SCAF1: variants seen among roughly 807,000 people sequenced by gnomAD.
SCAF1 encodes the protein splicing factor, arginine/serine-rich 19.
SCAF1 carries 28 observed loss-of-function variants against 91.2 expected under a neutral mutation model. That is an observed-to-expected ratio of 0.31 (90% CI 0.23 to 0.42). The LOEUF (loss-of-function observed/expected upper bound fraction) is 0.42, where lower values mean the gene tolerates loss of function less well. Among genes scored for constraint, SCAF1 ranks in the 10% least tolerant of loss-of-function variants. The pLI is 1.00. For synonymous variants in SCAF1, 1,036 were observed against 833.7 expected, an observed-to-expected ratio of 1.24 and a Z score of -4.18; for missense variants, 1,893 against 1,872.1, an observed-to-expected ratio of 1.01 and a Z score of -0.21.
intron 7 of SCAF1, 99 bp from the exon 8 acceptor site, chr19:49,654,250 C>T: frequency 9.7e-7 from 1 of 1,031,098 alleles, no homozygotes; most frequent in Admixed American, 2.1e-5. Context: ...GTTCTGGGGC[C>T]AAGGGCAGGA....
At chr19:49,643,018 G>A (rs771776721) in intron 1 of SCAF1, among the ~76,000 whole-genome samples, 5 of 152,190 alleles carry the variant, frequency 3.3e-5, no homozygotes, top group African/African-American at 1.2e-4. Flanking sequence ...TTGATGCCTG[G>A]AGCAAATTCG....
chr19:49,642,529 C>T lies in SCAF1; in HGVS notation c.-7+287C>T, dbSNP rs1453183934. The T allele has an allele frequency of 6.6e-6, 1 of 152,264 alleles. No individual in the cohort carries two copies. Among genetic ancestry groups the T allele is most frequent in the Non-Finnish European group, 1.5e-5 (1 of 68,114 alleles). The allele number at this position is 152,264 out of a possible 1,614,324, so 9.4% of individuals were successfully genotyped here. On this transcript the variant is annotated intron_variant, in intron 1 of 10. Coordinates refer to ENST00000360565, the MANE Select transcript of SCAF1 (RefSeq NM_021228.3). The surrounding 1 kb of genome is among the most constrained non-coding windows in gnomAD (Gnocchi z 4.0). ...ACCGAGCCTAAGGCCTGCCCTCCAT[C>T]ACACAGCTGGCCTGGATCGTGTCTG... is the stretch of plus-strand genomic sequence containing the variant.
chr19:49,656,182 A>G (rs966565817), intron 9 of SCAF1, among the ~76,000 whole-genome samples: 1 of 152,132 alleles, frequency 6.6e-6, no homozygotes, highest in Non-Finnish European at 1.5e-5. Flanking sequence ...CCTGGTCTAC[A>G]GTGGCCCTTG....
At chr19:49,648,450 G>C (rs78826826) in intron 6 of SCAF1, among the ~76,000 whole-genome samples, 7 of 151,708 alleles carry the variant, frequency 4.6e-5, no homozygotes, top group African/African-American at 1.7e-4. Flanking sequence ...ATAGAGATGA[G>C]GTCTTGATAT....
At position 49,651,013 on chromosome 19, in the gene SCAF1, T is replaced by TCCCCCCCCCCCCCC; in HGVS notation, c.629_630insCCCCCCCCCCCCCC (p.Pro215HisfsTer101). On this transcript the variant is annotated frameshift_variant, in exon 7 of 11. Transcript: ENST00000360565. LOFTEE classifies it high-confidence loss of function. ...CTCCCTCATCTTCCTCCCCTTCCCC[T>TCCCCCCCCCCCCCC]CCCCCACCCCCACCGCCCCCTGCAC... 7.1e-6 allele frequency: 1 copy of TCCCCCCCCCCCCCC among 141,672 alleles called. No individual in the cohort carries two copies. Among genetic ancestry groups the TCCCCCCCCCCCCCC allele is most frequent in the Non-Finnish European group, 1.2e-5 (1 of 85,234 alleles). 8.8% of individuals were successfully genotyped at this position (141,672 alleles called of 1,614,324 possible).
At position 49,650,979 on chromosome 19, in the gene SCAF1, C is replaced by A; in HGVS notation, c.590C>A (p.Pro197His). Residue 197 changes from proline (P) to histidine (H), a missense_variant, in exon 7 of 11, where the codon CCT (proline) becomes CAT (histidine). Physicochemically the swap from Pro to His is moderately conservative, Grantham distance 77. Coordinates refer to ENST00000360565, the MANE Select transcript of SCAF1 (RefSeq NM_021228.3). ...PPAPSSASSS[P>H]SPSPSSSSPS... ...GCCCCCTCCTCTGCATCCTCCTCCC[C>A]TTCCCCTTCTCCCTCATCTTCCTCC... The A allele has an allele frequency of 7.0e-7, 1 of 1,425,030 alleles. No individual in the cohort carries two copies. The highest frequency in any genetic ancestry group is 9.5e-7 in the Non-Finnish European group (1 of 1,047,342). 88.3% of individuals were successfully genotyped at this position (1,425,030 alleles called of 1,614,324 possible). A position where few individuals can be genotyped will look rare whatever the true frequency, so the allele number is the denominator to read the frequency against.
At position 49,654,791 on chromosome 19, in the gene SCAF1, C is replaced by T; in HGVS notation, c.3539C>T (p.Pro1180Leu). 1 of 1,612,852 alleles carries T rather than the reference C, an allele frequency of 6.2e-7. No individual in the cohort carries two copies. The change falls in exon 9 of 11, where the codon CCC becomes CTC. Residue 1180 changes from proline (P) to leucine (L), a missense_variant. Coordinates refer to ENST00000360565, the MANE Select transcript of SCAF1 (RefSeq NM_021228.3). Reference protein sequence around the residue: ...LPLGGCGSTPPTPTGLAATSD... With the variant: ...LPLGGCGSTPLTPTGLAATSD... ...CTGGGGGGCTGCGGTTCGACCCCCC[C>T]CACCCCCACCGGGCTGGCTGCCACG...
rs2081111100 is a variant in SCAF1, at chr19:49,653,000, G to A, written c.2611G>A (p.Glu871Lys). The A allele has an allele frequency of 1.2e-6, 2 of 1,613,984 alleles. No individual in the cohort carries two copies. Among genetic ancestry groups the A allele is most frequent in the East Asian group, 2.2e-5 (1 of 44,884 alleles). ...TGGCGTCAAATTCAGCCGTGACCGC[G>A]AGAGTCGCTCCCCCTTCCTCAAACC... ...SIGVKFSRDR[E>K]SRSPFLKPDE... The change falls in exon 7 of 11, where the codon GAG becomes AAG. Residue 871 changes from glutamate (E) to lysine (K), a missense_variant. This residue lies in a region of SCAF1 where 1,436 missense variants were observed against 1,306.8 expected (regional missense o/e 1.10). Coordinates refer to ENST00000360565, the MANE Select transcript of SCAF1 (RefSeq NM_021228.3).
intron 1 of SCAF1, among the ~76,000 whole-genome samples, chr19:49,644,217 C>G (rs772040894): frequency 6.6e-6 from 1 of 152,168 alleles, no homozygotes; most frequent in Non-Finnish European, 1.5e-5. Flanking sequence ...CATGGGGAAG[C>G]TTACAGCTGA....
In SCAF1 at chr19:49,651,001, C is replaced by T; in HGVS notation, c.612C>T (p.Ser204=). The T allele has an allele frequency of 9.6e-7, 1 of 1,036,726 alleles. No individual in the cohort carries two copies. Among genetic ancestry groups the T allele is most frequent in the Non-Finnish European group, 1.4e-6 (1 of 732,536 alleles). 64.2% of individuals were successfully genotyped at this position (1,036,726 alleles called of 1,614,324 possible). Reference sequence around the variant, plus strand: ...CCCCTTCCCCTTCTCCCTCATCTTCCTCCCCTTCCCCTCCCCCACCCCCAC... The same window carrying T: ...CCCCTTCCCCTTCTCCCTCATCTTCTTCCCCTTCCCCTCCCCCACCCCCAC... ...SSSPSPSPSS[S]SPSPPPPPPP... is the part of the protein sequence containing the mutation. Residue 204 remains serine (S), a synonymous_variant, in exon 7 of 11, where the codon TCC becomes TCT. Transcript: ENST00000360565.
At chr19:49,647,122 C>CT (rs1360027561) in intron 6 of SCAF1, among the ~76,000 whole-genome samples, 3 of 152,246 alleles carry the variant, frequency 2.0e-5, no homozygotes, top group African/African-American at 7.2e-5. Flanking sequence ...CTTCGAATCT[C>CT]TATCTTCAGA....
Position 49,658,594 on chromosome 19 carries a change from C to A in SCAF1, c.*195C>A. The A allele has an allele frequency of 1.7e-6, 1 of 600,746 alleles. No homozygotes were observed. The highest frequency in any genetic ancestry group is 2.1e-5 in the South Asian group (1 of 48,752). 37.2% of individuals were successfully genotyped at this position (600,746 alleles called of 1,614,324 possible). On this transcript the variant is annotated 3_prime_UTR_variant, in exon 11 of 11. Transcript: ENST00000360565. ...AGCCTGTCCCCAGTGCCCCTCCCTT[C>A]TGTTTGTGCCCCTCTCCCCAATTTC...
chr19:49,650,742 G>C (rs1192576443), intron 6 of SCAF1, 126 bp from the exon 7 acceptor site: 1 of 675,106 alleles, frequency 1.5e-6, no homozygotes, highest in Non-Finnish European at 2.5e-6. Flanking sequence ...GCTGGCTCCT[G>C]TGAAGCACTT....
Position 49,642,475 on chromosome 19 carries a change from G to T in SCAF1, c.-7+233G>T, listed in dbSNP as rs2122440641. On this transcript the variant is annotated intron_variant, in intron 1 of 10. Transcript: ENST00000360565. This position sits in a 1 kb window ranked among gnomAD's most constrained non-coding sequence, Gnocchi z 4.0. The stretch of plus-strand genomic sequence containing the variant: ...CTGGGGGCGTCTATGGGGCGTCTCC[G>T]AGAGGACTTGGGGCGTCTCTGGGCC... Among the ~76,000 whole-genome samples the T allele has an allele frequency of 1.3e-5, 2 of 152,254 alleles. No individual in the cohort carries two copies. Among genetic ancestry groups the T allele is most frequent in the Non-Finnish European group, 1.5e-5 (1 of 68,006 alleles).
rs1462737456 is a variant in SCAF1, at chr19:49,652,252, ATCG to A, written c.1869_1871del (p.Ser625del). 1.4e-6 allele frequency: 2 copies of A among 1,423,086 alleles called. No individual in the cohort carries two copies. Among genetic ancestry groups the A allele is most frequent in the Non-Finnish European group, 1.8e-6 (2 of 1,092,192 alleles). The allele number at this position is 1,423,086 out of a possible 1,614,324, so 88.2% of individuals were successfully genotyped here. A position where few individuals can be genotyped will look rare whatever the true frequency, so the allele number is the denominator to read the frequency against. On this transcript the variant is annotated inframe_deletion, in exon 7 of 11. Transcript: ENST00000360565. Reference sequence around the variant, plus strand: ...CCTCCCCGCCCCCGGCCACTTCCTCATCGTCGTCCTCGAGGCGCGAGCGGCACC... The same window carrying A: ...CCTCCCCGCCCCCGGCCACTTCCTCATCGTCCTCGAGGCGCGAGCGGCACC...
intron 9 of SCAF1, 74 bp from the exon 10 acceptor site, chr19:49,657,687 C>T (rs1430264285): frequency 1.9e-5 from 29 of 1,509,838 alleles, no homozygotes; most frequent in East Asian, 5.0e-5. Flanking sequence ...GCAGCAGAGG[C>T]GAGTGGAGGT....
intron 6 of SCAF1, among the ~76,000 whole-genome samples, chr19:49,648,790 G>T (rs527959905): frequency 6.6e-6 from 1 of 151,870 alleles, no homozygotes; most frequent in South Asian, 2.1e-4. Flanking sequence ...GGCCAACATG[G>T]TGAAACCCTG....
chr19:49,642,126 G>C (rs1420936222), upstream of SCAF1: 3 of 152,242 alleles, frequency 2.0e-5, no homozygotes, highest in South Asian at 2.1e-4. The surrounding 1 kb of genome is among the most constrained non-coding windows in gnomAD (Gnocchi z 4.0). Context: ...CTCGGTACTT[G>C]AAATCCCGGC....
At chr19:49,640,810 A>C (rs374880985), upstream of SCAF1, among the ~76,000 whole-genome samples, 1 of 152,160 alleles carries the variant, frequency 6.6e-6, no homozygotes. Flanking sequence ...TTCCTAATCC[A>C]TGAGCCAGCT....
Sources: allele counts gnomAD v4.1 joint callset (sites outside exome capture counted in the v4.1 genomes callset), GRCh38; gene constraint gnomAD v4.1.1; regional missense constraint gnomAD v4.1.1; non-coding constraint Gnocchi (gnomAD v3.1); transcripts MANE v1.5; gene names NCBI Gene and HGNC (gene_info 2026-07-23, HGNC 2026-07-21).